The following PDE4D variants were observed in gnomAD, a reference collection of about 807,000 sequenced individuals.
The protein encoded by PDE4D is phosphodiesterase 4D.
Under a neutral mutation model 87.4 loss-of-function variants are expected in PDE4D, and 24 were observed. The ratio of observed to expected loss-of-function variants is 0.27; its 90% confidence interval spans 0.20 to 0.39. The LOEUF (loss-of-function observed/expected upper bound fraction) is 0.39, where lower values mean the gene tolerates loss of function less well. Among genes scored for constraint, PDE4D ranks in the 10% least tolerant of loss-of-function variants. The pLI is 1.00. For synonymous variants in PDE4D, 384 were observed against 383.2 expected (o/e 1.00, Z -0.02); for missense variants, 714 against 1,041.0 (o/e 0.69, Z 4.32).
At chr5:59,990,832 C>T (rs553651382) in intron 2 of PDE4D, among the ~76,000 whole-genome samples, 34 of 152,226 alleles carry the variant, frequency 2.2e-4, no homozygotes, top group Non-Finnish European at 3.7e-4. Flanking sequence ...CATCTTACTT[C>T]GCCTGGGACC....
chr5:60,219,949 C>T (rs990068147), intron 1 of PDE4D, among the ~76,000 whole-genome samples: 1 of 152,152 alleles, frequency 6.6e-6, no homozygotes, highest in African/African-American at 2.4e-5. Flanking sequence ...TGTTCTGGCA[C>T]AAGCTCATCT....
At chr5:60,407,314 A>G (rs1278007578) in intron 1 of PDE4D, among the ~76,000 whole-genome samples, 1 of 152,044 alleles carries the variant, frequency 6.6e-6, no homozygotes, top group Non-Finnish European at 1.5e-5. Flanking sequence ...AAAGCAGGGC[A>G]CATGTGCAGT....
intron 1 of PDE4D, among the ~76,000 whole-genome samples, chr5:60,186,739 AAGGTCTGAAGG>A (rs1784814557): frequency 6.6e-6 from 1 of 152,198 alleles, no homozygotes; most frequent in Non-Finnish European, 1.5e-5. Flanking sequence ...AACAGTGATT[AAGGTCTGAAGG>A]AGCTGGTTTT....
intron 1 of PDE4D, among the ~76,000 whole-genome samples, chr5:60,472,871 T>C (rs1047725886): frequency 2.0e-5 from 3 of 152,156 alleles, no homozygotes; most frequent in African/African-American, 2.4e-5. Context: ...CATTAGGTGA[T>C]TTTCCCCAAC....
intron 5 of PDE4D, among the ~76,000 whole-genome samples, chr5:59,047,893 C>A (rs962707647): frequency 2.0e-5 from 3 of 152,204 alleles, no homozygotes; most frequent in African/African-American, 7.2e-5. Flanking sequence ...TGTGGGCAGT[C>A]TGCAACCCTG....
At chr5:59,745,592 G>C (rs1759488571) in intron 1 of PDE4D, among the ~76,000 whole-genome samples, 1 of 152,134 alleles carries the variant, frequency 6.6e-6, no homozygotes, top group Non-Finnish European at 1.5e-5. Flanking sequence ...CGTCTTGACA[G>C]GGGTGACGTG....
At chr5:59,746,448 T>C (rs904810436) in intron 1 of PDE4D, among the ~76,000 whole-genome samples, 2 of 152,140 alleles carry the variant, frequency 1.3e-5, no homozygotes, top group South Asian at 2.1e-4. Flanking sequence ...ACTAATTAAA[T>C]AGACCAAAGA....
At chr5:60,093,890 TA>T (rs1165701559) in intron 2 of PDE4D, among the ~76,000 whole-genome samples, 1 of 152,190 alleles carries the variant, frequency 6.6e-6, no homozygotes, top group Non-Finnish European at 1.5e-5. Context: ...ACGATTTCTG[TA>T]AGATAATATA....
intron 3 of PDE4D, among the ~76,000 whole-genome samples, chr5:59,189,887 A>G (rs550125013): frequency 1.7e-4 from 26 of 152,340 alleles, no homozygotes; most frequent in Admixed American, 1.6e-3. Flanking sequence ...TTTAGGTTAA[A>G]CACCAGCAAG....
intron 1 of PDE4D, among the ~76,000 whole-genome samples, chr5:60,474,122 ATAT>A (rs1340013094): frequency 2.2e-5 from 2 of 91,882 alleles, no homozygotes; most frequent in Non-Finnish European, 3.9e-5. Context: ...ATATATATAT[ATAT>A]ATATATATAT....
At chr5:59,271,374 G>A (rs968483520) in intron 1 of PDE4D, among the ~76,000 whole-genome samples, 4 of 152,120 alleles carry the variant, frequency 2.6e-5, no homozygotes, top group Non-Finnish European at 4.4e-5. Context: ...AAATGAAGAA[G>A]CAGAGTACAG....
chr5:59,621,257 T>C (rs1830320843), intron 1 of PDE4D, among the ~76,000 whole-genome samples: 2 of 152,162 alleles, frequency 1.3e-5, no homozygotes, highest in Admixed American at 6.5e-5. Context: ...ACTGATCAGG[T>C]CTATTCCAGA....
chr5:59,010,147 G>T (rs983377778), intron 6 of PDE4D, among the ~76,000 whole-genome samples: 2 of 152,078 alleles, frequency 1.3e-5, no homozygotes, highest in African/African-American at 4.8e-5. Context: ...GCAATATGGT[G>T]AAACCCTGTC....
chr5:60,423,131 T>C (rs1010627832), intron 1 of PDE4D, among the ~76,000 whole-genome samples: 1 of 152,158 alleles, frequency 6.6e-6, no homozygotes, highest in Non-Finnish European at 1.5e-5. Flanking sequence ...ATTAGACCGA[T>C]CAACCAGAGA....
At chr5:59,623,621 A>G (rs568716307) in intron 1 of PDE4D, among the ~76,000 whole-genome samples, 95 of 152,244 alleles carry the variant, frequency 6.2e-4, no homozygotes, top group Admixed American at 1.7e-3. Context: ...CCTCATGAGA[A>G]CAACCAGGTC....
intron 2 of PDE4D, among the ~76,000 whole-genome samples, chr5:60,081,036 A>T (rs184273482): frequency 4.6e-5 from 7 of 152,104 alleles, no homozygotes; most frequent in Admixed American, 3.3e-4. Context: ...GTAGGCCATT[A>T]ATTACTGCCT....
In PDE4D at chr5:58,986,236, T is replaced by A. The variant is rs546396700; in HGVS notation, c.1552+2257A>T. 3.0e-3 allele frequency among the ~76,000 whole-genome samples: 452 copies of A among 152,292 alleles called. 4 individuals carry two copies. Among genetic ancestry groups the A allele is most frequent in the Non-Finnish European group, 3.5e-3 (235 of 68,022 alleles). On this transcript the variant is annotated intron_variant, in intron 11 of 14. Coordinates refer to ENST00000340635, the MANE Select transcript of PDE4D (RefSeq NM_001104631.2). Reference sequence around the variant, plus strand: ...ACTTTAAACAGACATCCTAAGGAGATAAAATTATCTTCTTCAGTTTCCTCC... The same window carrying A: ...ACTTTAAACAGACATCCTAAGGAGAAAAAATTATCTTCTTCAGTTTCCTCC...
At chr5:60,074,160 T>G (rs1352626340) in intron 2 of PDE4D, among the ~76,000 whole-genome samples, 1 of 152,184 alleles carries the variant, frequency 6.6e-6, no homozygotes, top group Non-Finnish European at 1.5e-5. Context: ...ATGTGAGCAT[T>G]TAGTGCTATA....
intron 1 of PDE4D, among the ~76,000 whole-genome samples, chr5:59,714,764 A>G (rs1754747110): frequency 1.3e-5 from 2 of 152,340 alleles, no homozygotes; most frequent in African/African-American, 4.8e-5. Flanking sequence ...TCATGGTCTT[A>G]TTGATAATAT....
Sources: allele counts gnomAD v4.1 joint callset (sites outside exome capture counted in the v4.1 genomes callset), GRCh38; gene constraint gnomAD v4.1.1; transcripts MANE v1.5; gene names NCBI Gene and HGNC (gene_info 2026-07-23, HGNC 2026-07-21).